Variants in AFP observed in about 807,000 individuals in gnomAD.
AFP encodes the protein alpha-fetoprotein.
Under a neutral mutation model 78.9 loss-of-function variants are expected in AFP, and 64 were observed. The ratio of observed to expected loss-of-function variants is 0.81; its 90% CI spans 0.66 to 1.00. The LOEUF is 1.00. Among genes scored for constraint, AFP ranks in the 50% least tolerant of loss-of-function variants. The pLI is 0.00. For missense variants in AFP, 689 were observed against 703.8 expected (o/e 0.98, Z 0.24); for synonymous variants, 254 against 243.8 (o/e 1.04, Z -0.39).
At chr4:73,449,990 C>A (rs1458360021) in intron 9 of AFP, 46 bp from the exon 10 acceptor site, 1 of 1,259,180 alleles carries the variant, frequency 7.9e-7, no homozygotes, top group Admixed American at 1.8e-5. Flanking sequence ...CAAAGTTATG[C>A]ATCCAAGAAA....
At chr4:73,450,839 T>C in intron 11 of AFP, 86 bp downstream of exon 11, 1 of 1,601,946 alleles carries the variant, frequency 6.2e-7, no homozygotes, top group Non-Finnish European at 8.5e-7. Context: ...GGGAAGACGG[T>C]AAAAACCAAT....
chr4:73,453,918 A>G (rs1324753517), intron 13 of AFP, 21 bp downstream of exon 13: 2 of 1,613,116 alleles, frequency 1.2e-6, no homozygotes, highest in Non-Finnish European at 1.7e-6. Context: ...CTCATTTCAT[A>G]CTCAAAATAC....
At chr4:73,450,537 G>C in intron 10 of AFP, 78 bp from the exon 11 acceptor site, 2 of 1,599,090 alleles carry the variant, frequency 1.3e-6, no homozygotes, top group Non-Finnish European at 1.7e-6. Context: ...TGAGAGTAGA[G>C]AGTCTGTGAG....
chr4:73,455,733 T>A lies in AFP; in HGVS notation c.*113T>A, dbSNP rs765212884. 4.5e-6 allele frequency: 3 copies of A among 666,614 alleles called. No individual in the cohort carries two copies. Among genetic ancestry groups the A allele is most frequent in the South Asian group, 3.3e-5 (2 of 60,142 alleles). The allele number at this position is 666,614 out of a possible 1,614,324, so 41.3% of individuals were successfully genotyped here. ...GAATTAATGAAATGATAAAGACTTT[T>A]ATGTGAGATTTCCTTATCACAGAAA... is the stretch of plus-strand genomic sequence containing the variant. On this transcript the variant is annotated 3_prime_UTR_variant, in exon 15 of 15. Transcript: ENST00000395792.
At position 73,437,343 on chromosome 4, in the gene AFP, C is replaced by T. The variant is rs533429584; in HGVS notation, c.137+132C>T. The T allele has an allele frequency of 3.4e-4, 235 of 700,598 alleles. 2 individuals carry two copies. Among genetic ancestry groups the T allele is most frequent in the Non-Finnish European group, 5.2e-4 (207 of 397,664 alleles). The allele number at this position is 700,598 out of a possible 1,614,324, so 43.4% of individuals were successfully genotyped here. A position where few individuals can be genotyped will look rare whatever the true frequency, so the allele number is the denominator to read the frequency against. ...TTGGACAATTTCAAGAAAAGTTACT[C>T]ATACTGAATATCAACTTGATGTTGA... On this transcript the variant is annotated intron_variant, in intron 2 of 14. Transcript: ENST00000395792.
Position 73,438,242 on chromosome 4 carries a change from A to G in AFP, c.206A>G (p.Asp69Gly), listed in dbSNP as rs139089703. The stretch of plus-strand genomic sequence containing the variant: ...AAGGAAGTAAGCAAAATGGTGAAAG[A>G]TGCATTGACTGCAATTGAGAAACCC... Reference protein sequence around the residue: ...TYKEVSKMVKDALTAIEKPTG... With the variant: ...TYKEVSKMVKGALTAIEKPTG... The change falls in exon 3 of 15, where the codon GAT becomes GGT. Residue 69 changes from aspartate (D) to glycine (G), a missense_variant. Physicochemically the swap from Asp to Gly is moderately conservative, Grantham distance 94. Transcript: ENST00000395792. 6.2e-7 allele frequency: 1 copy of G among 1,613,428 alleles called. No homozygotes were observed. The highest frequency in any genetic ancestry group is 8.5e-7 in the Non-Finnish European group (1 of 1,179,584).
At chr4:73,444,640 A>G (rs1456432980) in intron 6 of AFP, among the ~76,000 whole-genome samples, 1 of 152,168 alleles carries the variant, frequency 6.6e-6, no homozygotes, top group African/African-American at 2.4e-5. Context: ...ATTTTCATGG[A>G]ATTTTCCATT....
rs749161392 is a variant in AFP at position 73,455,662 on chromosome 4, G to A, written c.*42G>A. 99 of 695,874 alleles carry A rather than the reference G, an allele frequency of 1.4e-4. No individual in the cohort carries two copies. The highest frequency in any genetic ancestry group is 1.4e-3 in the Middle Eastern group (6 of 4,344). 43.1% of individuals were successfully genotyped at this position (695,874 alleles called of 1,614,324 possible). ...AGAAGACAAAACGAGTCTTTCATTCGGTGTGAACTTTTCTCTTTAATTTTA... is the reference window on the plus strand; with the variant it reads ...AGAAGACAAAACGAGTCTTTCATTCAGTGTGAACTTTTCTCTTTAATTTTA... On this transcript the variant is annotated 3_prime_UTR_variant, in exon 15 of 15. Coordinates refer to ENST00000395792, the MANE Select transcript of AFP (RefSeq NM_001134.3).
chr4:73,450,308 T>C (rs1719952343), intron 10 of AFP, among the ~76,000 whole-genome samples, 175 bp downstream of exon 10: 1 of 152,236 alleles, frequency 6.6e-6, no homozygotes, highest in Non-Finnish European at 1.5e-5. Context: ...CATTCTGTCA[T>C]AGTCTGTCCG....
In AFP at chr4:73,447,639, C is replaced by T; in HGVS notation, c.1021C>T (p.Gln341Ter). The stretch of plus-strand genomic sequence containing the variant: ...GTTTTTAGGAGATAGAGATTTTAAC[C>T]AATTTTCTTCAGGGGAAAAAAATAT... ...NRFLGDRDFN[Q>*]FSSGEKNIFL... Residue 341 changes from glutamine to a stop codon, truncating the protein, a stop_gained, in exon 8 of 15, where the codon CAA becomes TAA. Transcript: ENST00000395792. LOFTEE classifies it high-confidence loss of function. The T allele has an allele frequency of 6.2e-7, 1 of 1,611,462 alleles. No individual in the cohort carries two copies. The highest frequency in any genetic ancestry group is 2.2e-5 in the East Asian group (1 of 44,848).
Position 73,436,313 on chromosome 4 carries a change from A to G in AFP, c.51A>G (p.Glu17=). The G allele has an allele frequency of 6.2e-7, 1 of 1,602,370 alleles. No homozygotes were observed. Among genetic ancestry groups the G allele is most frequent in the African/African-American group, 1.3e-5 (1 of 74,798 alleles). The change falls in exon 1 of 15, where the codon GAA becomes GAG. Residue 17 remains glutamate (E), a synonymous_variant. Transcript: ENST00000395792. ...IFLIFLLNFT[E]SRTLHRNEYG... is the part of the protein sequence containing the mutation. ...TAATTTTCCTACTAAATTTTACTGAATCCAGAACACTGCATAGAAATGAAT... is the reference window on the plus strand; with the variant it reads ...TAATTTTCCTACTAAATTTTACTGAGTCCAGAACACTGCATAGAAATGAAT...
chr4:73,440,837 A>C lies in AFP; in HGVS notation c.482+24A>C, dbSNP rs752033857. On this transcript the variant is annotated intron_variant, in intron 4 of 14. Transcript: ENST00000395792. ...AAGTAAGGATCCAGTTTAAAGGTAGATGCAAACCTCAGAAACACAGCAATG... is the reference window on the plus strand; with the variant it reads ...AAGTAAGGATCCAGTTTAAAGGTAGCTGCAAACCTCAGAAACACAGCAATG... 4 of 1,600,962 alleles carry C rather than the reference A, an allele frequency of 2.5e-6. No individual in the cohort carries two copies. In the East Asian group the frequency reaches 6.7e-5, roughly 27 times the overall value.
intron 1 of AFP, among the ~76,000 whole-genome samples, chr4:73,436,901 G>A (rs754311314): frequency 5.9e-5 from 9 of 151,666 alleles, no homozygotes; most frequent in Non-Finnish European, 1.2e-4. Context: ...TACAGTACAG[G>A]GAAAAACCAA....
chr4:73,452,538 C>T lies in AFP; in HGVS notation c.1566C>T (p.Val522=), dbSNP rs1290685955. 4 of 1,614,058 alleles carry T rather than the reference C, an allele frequency of 2.5e-6. No individual in the cohort carries two copies. The highest frequency in any genetic ancestry group is 3.4e-6 in the Non-Finnish European group (4 of 1,179,952). Residue 522 remains valine (V), a synonymous_variant, in exon 12 of 15, where the codon GTC becomes GTT. Coordinates refer to ENST00000395792, the MANE Select transcript of AFP (RefSeq NM_001134.3). The part of the protein sequence containing the change: ...FSSLVVDETY[V]PPAFSDDKFI... ...GCTTGGTGGTGGATGAAACATATGT[C>T]CCTCCTGCATTCTCTGATGACAAGT...
chr4:73,452,634 T>A lies in AFP; in HGVS notation c.1652+10T>A. On this transcript the variant is annotated intron_variant, in intron 12 of 14. Coordinates refer to ENST00000395792, the MANE Select transcript of AFP (RefSeq NM_001134.3). ...AAACAATGAAGCAAGAGTAAGAAAC[T>A]GTTACTTGCTAGCATGGAAAAGAAT... 2 of 1,594,092 alleles carry A rather than the reference T, an allele frequency of 1.3e-6. No individual in the cohort carries two copies. Among genetic ancestry groups the A allele is most frequent in the Non-Finnish European group, 1.7e-6 (2 of 1,162,768 alleles).
chr4:73,453,827 T>C lies in AFP; in HGVS notation c.1715T>C (p.Ile572Thr), dbSNP rs1409472723. 6.2e-6 allele frequency: 10 copies of C among 1,613,858 alleles called. No homozygotes were observed. The highest frequency in any genetic ancestry group is 2.2e-5 in the East Asian group (1 of 44,880). ...QITEEQLEAV[I>T]ADFSGLLEKC... ...ACAGAGGAACAACTTGAGGCTGTCA[T>C]TGCAGATTTCTCAGGCCTGTTGGAG... The change falls in exon 13 of 15, where the codon ATT becomes ACT. Residue 572 changes from isoleucine to threonine, a missense_variant. Transcript: ENST00000395792.
chr4:73,443,525 T>C (rs1719735407), intron 6 of AFP, 81 bp downstream of exon 6: 4 of 1,102,744 alleles, frequency 3.6e-6, no homozygotes, highest in Non-Finnish European at 5.6e-6. Context: ...TTTTTAATTG[T>C]TGCTGTTTTA....
At chr4:73,438,459 G>A (rs561175831) in intron 3 of AFP, among the ~76,000 whole-genome samples, 153 bp downstream of exon 3, 1 of 152,136 alleles carries the variant, frequency 6.6e-6, no homozygotes, top group Non-Finnish European at 1.5e-5. Context: ...TTGCTAAAGA[G>A]GGCAGAAGAG....
rs1415931380 is a variant in AFP, at chr4:73,455,529, T to C, written c.*11-102T>C. ...TTCAACAAATGCTATCAGAAGACTT[T>C]CCTACGTATCCAATATTTCTCTGAT... On this transcript the variant is annotated intron_variant, in intron 14 of 14. Coordinates refer to ENST00000395792, the MANE Select transcript of AFP (RefSeq NM_001134.3). 4.6e-6 allele frequency: 3 copies of C among 650,712 alleles called. No individual in the cohort carries two copies. The Admixed American group carries it at 8.5e-5, about 18-fold the overall frequency. The allele number at this position is 650,712 out of a possible 1,614,324, so 40.3% of individuals were successfully genotyped here.
Sources: gnomAD v4.1 joint callset for allele counts (sites outside exome capture counted in the v4.1 genomes callset) on GRCh38, gnomAD v4.1.1 for gene constraint, MANE v1.5 for transcripts, NCBI Gene and HGNC (gene_info 2026-07-23, HGNC 2026-07-21) for gene names.